FBXL20: variants seen among roughly 807,000 people sequenced by gnomAD.
FBXL20 encodes F-box and leucine rich repeat protein 20.
A neutral mutation model predicts 64.0 loss-of-function variants in FBXL20; 11 were observed. That is an observed-to-expected ratio of 0.17 (90% CI 0.11 to 0.28). The LOEUF (loss-of-function observed/expected upper bound fraction) is 0.28, where lower values mean the gene tolerates loss of function less well. Ranked by LOEUF, FBXL20 falls within the 10% of genes least tolerant of loss-of-function variation. FBXL20 has a pLI of 1.00. For synonymous variants in FBXL20, 184 were observed against 189.0 expected (o/e 0.97, Z 0.22); for missense variants, 303 against 526.2 (o/e 0.58, Z 4.15).
chr17:39,308,108 C>T (rs2047199231), intron 2 of FBXL20, among the ~76,000 whole-genome samples: 1 of 151,776 alleles, frequency 6.6e-6, no homozygotes, highest in Admixed American at 6.6e-5. Context: ...GAGGCCAAGG[C>T]AGGTGGAGGA....
rs540128905 is a variant in FBXL20, at chr17:39,400,098, A to G, written c.42+1263T>C. Among the ~76,000 whole-genome samples, 19 of 152,284 alleles carry G rather than the reference A, an allele frequency of 1.2e-4. No individual in the cohort carries two copies. In the South Asian group the frequency reaches 2.1e-3, roughly 17 times the overall value. On this transcript the variant is annotated intron_variant, in intron 1 of 14. Transcript: ENST00000264658. ...TGTCCTATTAAACACCAAATAATAT[A>G]TTCCATAACATTTTCTTCTAGTGAT...
intron 1 of FBXL20, among the ~76,000 whole-genome samples, chr17:39,390,562 TAA>T (rs568332066): frequency 9.0e-5 from 12 of 133,864 alleles, no homozygotes; most frequent in Admixed American, 2.3e-4. Flanking sequence ...GACTCCATCT[TAA>T]AAAAAAAAAA....
intron 2 of FBXL20, among the ~76,000 whole-genome samples, chr17:39,319,179 T>C (rs570260594): frequency 1.3e-5 from 2 of 148,670 alleles, no homozygotes; most frequent in Admixed American, 6.7e-5. Context: ...AACCAGGGAG[T>C]AGGAGGTTGC....
At chr17:39,333,359 C>T (rs1040081318) in intron 2 of FBXL20, among the ~76,000 whole-genome samples, 2 of 152,244 alleles carry the variant, frequency 1.3e-5, no homozygotes, top group Non-Finnish European at 2.9e-5. Flanking sequence ...GTTGGCCGGG[C>T]TGGTCTCCAG....
At chr17:39,290,442 T>G (rs1303256281) in intron 6 of FBXL20, among the ~76,000 whole-genome samples, 1 of 152,182 alleles carries the variant, frequency 6.6e-6, no homozygotes, top group African/African-American at 2.4e-5. Context: ...CTGATATCCT[T>G]GCCTTGTTCC....
At chr17:39,398,116 T>C (rs2048204892) in intron 1 of FBXL20, among the ~76,000 whole-genome samples, 1 of 139,022 alleles carries the variant, frequency 7.2e-6, no homozygotes, top group Non-Finnish European at 1.5e-5. Flanking sequence ...ACCCCGTCTC[T>C]ACTAAAAATA....
chr17:39,306,454 A>AT (rs1047634532), intron 2 of FBXL20, among the ~76,000 whole-genome samples: 1 of 152,092 alleles, frequency 6.6e-6, no homozygotes, highest in African/African-American at 2.4e-5. Context: ...TCTTCCAAAG[A>AT]TTTTATAATT....
At chr17:39,353,481 T>C (rs897944051) in intron 1 of FBXL20, among the ~76,000 whole-genome samples, 4 of 152,236 alleles carry the variant, frequency 2.6e-5, no homozygotes, top group African/African-American at 9.6e-5. Flanking sequence ...TACCTTATCA[T>C]AGGTATATAA....
At chr17:39,368,327 G>C (rs1269795333) in intron 1 of FBXL20, among the ~76,000 whole-genome samples, 2 of 152,172 alleles carry the variant, frequency 1.3e-5, no homozygotes, top group East Asian at 3.9e-4. Flanking sequence ...AGGAGCTCAA[G>C]GCTGCAGTGA....
chr17:39,356,087 A>C (rs1319048696), intron 1 of FBXL20, among the ~76,000 whole-genome samples: 1 of 145,586 alleles, frequency 6.9e-6, no homozygotes, highest in Non-Finnish European at 1.5e-5. Context: ...GGTGGCATCC[A>C]CCTGTAATCC....
chr17:39,271,463 T>C (rs1392555153), intron 10 of FBXL20, among the ~76,000 whole-genome samples: 1 of 151,926 alleles, frequency 6.6e-6, no homozygotes, highest in South Asian at 2.1e-4. Context: ...TCTGGCGTGG[T>C]GGCGGGTGCC....
chr17:39,285,156 G>A (rs528777440), intron 7 of FBXL20, among the ~76,000 whole-genome samples: 5 of 152,062 alleles, frequency 3.3e-5, no homozygotes, highest in South Asian at 2.1e-4. Context: ...TGCCTGCCTC[G>A]GCCGCCCAAA....
chr17:39,368,271 A>C (rs191034217), intron 1 of FBXL20, among the ~76,000 whole-genome samples: 1 of 152,292 alleles, frequency 6.6e-6, no homozygotes, highest in Non-Finnish European at 1.5e-5. Context: ...GCACTCCTGT[A>C]GTCCTAGCTA....
At chr17:39,375,882 G>C (rs578249467) in intron 1 of FBXL20, among the ~76,000 whole-genome samples, 47 of 152,262 alleles carry the variant, frequency 3.1e-4, no homozygotes, top group African/African-American at 8.9e-4. Context: ...CACTTTGGGA[G>C]GCCAAGGCGG....
At chr17:39,360,532 C>A (rs2047784464) in intron 1 of FBXL20, among the ~76,000 whole-genome samples, 1 of 152,076 alleles carries the variant, frequency 6.6e-6, no homozygotes, top group Non-Finnish European at 1.5e-5. Context: ...TCCCAGAAAT[C>A]TTTTCTCTAC....
intron 2 of FBXL20, among the ~76,000 whole-genome samples, chr17:39,305,167 A>C (rs1048582927): frequency 7.9e-5 from 12 of 152,204 alleles, no homozygotes; most frequent in South Asian, 2.1e-4. Flanking sequence ...AGAAAAAAAA[A>C]CCCAGAAACA....
intron 6 of FBXL20, among the ~76,000 whole-genome samples, chr17:39,287,201 A>G (rs912140228): frequency 3.6e-4 from 55 of 151,928 alleles, no homozygotes; most frequent in Non-Finnish European, 6.5e-4. Context: ...ATGAGCCACC[A>G]CGCCCGGCCT....
At chr17:39,337,934 C>G (rs1038640955) in intron 2 of FBXL20, among the ~76,000 whole-genome samples, 2 of 150,468 alleles carry the variant, frequency 1.3e-5, no homozygotes, top group Non-Finnish European at 3.0e-5. Flanking sequence ...GCCCCCCGCC[C>G]GGCCAGCTGC....
chr17:39,285,760 G>GA (rs894694509), intron 6 of FBXL20, among the ~76,000 whole-genome samples, 187 bp from the exon 7 acceptor site: 1 of 152,078 alleles, frequency 6.6e-6, no homozygotes. Flanking sequence ...CATTCACAAA[G>GA]AAAAAAGGCT....
Sources: allele counts gnomAD v4.1 joint callset (sites outside exome capture counted in the v4.1 genomes callset), GRCh38; gene constraint gnomAD v4.1.1; transcripts MANE v1.5; gene names NCBI Gene and HGNC (gene_info 2026-07-23, HGNC 2026-07-21).